The following PHIP variants were observed in gnomAD, a reference collection of about 807,000 sequenced individuals.
The protein encoded by PHIP is PHIP subunit of CUL4-Ring ligase complex, also known as PH-interacting protein.
Under a neutral mutation model 236.8 loss-of-function variants are expected in PHIP, and 54 were observed. The ratio of observed to expected loss-of-function variants is 0.23; its 90% confidence interval spans 0.18 to 0.29. The LOEUF (loss-of-function observed/expected upper bound fraction) is 0.29. Ranked by LOEUF, PHIP falls within the 10% of genes least tolerant of loss-of-function variation. The pLI, the probability that PHIP is intolerant of heterozygous loss-of-function variation, is 1.00. For synonymous variants in PHIP, 756 were observed against 718.9 expected, an observed-to-expected ratio of 1.05 and a Z score of -0.83; for missense variants, 1,370 against 2,190.8, an observed-to-expected ratio of 0.63 and a Z score of 7.48.
intron 4 of PHIP, among the ~76,000 whole-genome samples, chr6:79,068,731 C>T (rs1352544494): frequency 2.0e-5 from 3 of 152,136 alleles, no homozygotes; most frequent in Non-Finnish European, 4.4e-5. Context: ...TCGTGTTGAA[C>T]AAAATCTTTG....
intron 24 of PHIP, among the ~76,000 whole-genome samples, chr6:78,972,968 C>G (rs537167619): frequency 1.4e-5 from 2 of 140,200 alleles, no homozygotes; most frequent in African/African-American, 5.0e-5. Context: ...ATATTATCCA[C>G]GAGAATTTCC....
At chr6:79,001,322 C>G (rs1205489964) in intron 17 of PHIP, among the ~76,000 whole-genome samples, 1 of 152,068 alleles carries the variant, frequency 6.6e-6, no homozygotes, top group Non-Finnish European at 1.5e-5. Flanking sequence ...TTCACTAAAA[C>G]AGCTCTCAAC....
At chr6:78,969,621 A>T (rs1371389019) in intron 27 of PHIP, among the ~76,000 whole-genome samples, 1 of 152,192 alleles carries the variant, frequency 6.6e-6, no homozygotes, top group East Asian at 1.9e-4. Flanking sequence ...AATGTAACAG[A>T]AAAAATGTTT....
chr6:78,961,506 A>G (rs2127697726), intron 31 of PHIP, among the ~76,000 whole-genome samples, 184 bp downstream of exon 31: 1 of 152,242 alleles, frequency 6.6e-6, no homozygotes, highest in East Asian at 1.9e-4. Flanking sequence ...GGGACTTGTT[A>G]GAAATGCAGA....
At chr6:79,007,690 A>AT in intron 15 of PHIP, among the ~76,000 whole-genome samples, 1 of 138,132 alleles carries the variant, frequency 7.2e-6, no homozygotes. Context: ...CACACCGTTC[A>AT]TTAGAAGAAA....
intron 39 of PHIP, among the ~76,000 whole-genome samples, chr6:78,941,645 T>C (rs893054406): frequency 3.3e-5 from 5 of 152,128 alleles, no homozygotes; most frequent in African/African-American, 1.2e-4. Flanking sequence ...AACTTAGAAA[T>C]AAGTTACTCT....
chr6:79,028,188 TAAA>T (rs1220206565), intron 7 of PHIP, among the ~76,000 whole-genome samples: 1 of 151,878 alleles, frequency 6.6e-6, no homozygotes, highest in Non-Finnish European at 1.5e-5. Context: ...GATGAAAAAG[TAAA>T]AAAAATTTGT....
chr6:78,997,350 A>T lies in PHIP; in HGVS notation c.2201+64T>A. 5.1e-6 allele frequency: 7 copies of T among 1,380,490 alleles called. No individual in the cohort carries two copies. In the South Asian group the frequency reaches 8.7e-5, roughly 17 times the overall value. The allele number at this position is 1,380,490 out of a possible 1,614,324, so 85.5% of individuals were successfully genotyped here. ...ACAGAGCTGAAAATAACAGCTGTGA[A>T]TGCTGTTAACTCCAAAATGAACCCA... On this transcript the variant is annotated intron_variant, in intron 19 of 39. Coordinates refer to ENST00000275034, the MANE Select transcript of PHIP (RefSeq NM_017934.7).
chr6:79,063,932 G>A (rs1033816339), intron 4 of PHIP, among the ~76,000 whole-genome samples: 6 of 152,092 alleles, frequency 3.9e-5, no homozygotes, highest in South Asian at 2.1e-4. Context: ...AGTGGAAACA[G>A]ACTAACAAAC....
At position 78,990,883 on chromosome 6, in the gene PHIP, T is replaced by C. The variant is rs1064796425; in HGVS notation, c.2304A>G (p.Ile768Met). Residue 768 changes from isoleucine (I) to methionine (M), a missense_variant, in exon 20 of 40, where the codon ATA becomes ATG. By Grantham distance (10) the Ile-to-Met change is conservative (BLOSUM62 1). Coordinates refer to ENST00000275034, the MANE Select transcript of PHIP (RefSeq NM_017934.7). ...TAATATGTACCTTTGAGACAGTGGG[T>C]ATTTTATTCTCTTTTGGAACAGTTA... ...KHLTVPKENK[I>M]PTVSKNHAHE... 1.3e-6 allele frequency: 2 copies of C among 1,566,174 alleles called. No individual in the cohort carries two copies. Among genetic ancestry groups the C allele is most frequent in the Non-Finnish European group, 1.8e-6 (2 of 1,139,174 alleles).
intron 4 of PHIP, among the ~76,000 whole-genome samples, chr6:79,077,156 C>G (rs925526628): frequency 2.0e-5 from 3 of 151,948 alleles, no homozygotes; most frequent in Non-Finnish European, 2.9e-5. Context: ...ACGCGCGCGC[C>G]GGCCCCTCCT....
rs1219229700 is a variant in PHIP, at chr6:78,970,112, C to T, written c.3059G>A (p.Cys1020Tyr). The T allele has an allele frequency of 5.0e-6, 8 of 1,612,838 alleles. No individual in the cohort carries two copies. The highest frequency in any genetic ancestry group is 5.9e-6 in the Non-Finnish European group (7 of 1,178,972). The change falls in exon 26 of 40, where the codon TGC becomes TAC. Residue 1020 changes from cysteine to tyrosine, a missense_variant. Transcript: ENST00000275034. ...KYEVGLPTLCCLKLAFLDPDT... is the reference protein window; with the variant it reads ...KYEVGLPTLCYLKLAFLDPDT... ...AGGATCTAGAAAAGCAAGTTTAAGG[C>T]AGCAAAGGGTAGGTAATCCCACTTC...
intron 31 of PHIP, among the ~76,000 whole-genome samples, chr6:78,960,030 G>GACTGGGAGCT (rs1766674453): frequency 6.6e-6 from 1 of 152,120 alleles, no homozygotes; most frequent in Non-Finnish European, 1.5e-5. Context: ...TCACGTGGCT[G>GACTGGGAGCT]ACTGGGAGCT....
At chr6:79,071,214 T>C (rs770606055) in intron 4 of PHIP, among the ~76,000 whole-genome samples, 2 of 152,214 alleles carry the variant, frequency 1.3e-5, no homozygotes, top group Non-Finnish European at 2.9e-5. Flanking sequence ...CAACTGATGA[T>C]TGCCTTCTCT....
At chr6:79,065,460 C>G (rs1450345431) in intron 4 of PHIP, among the ~76,000 whole-genome samples, 2 of 152,100 alleles carry the variant, frequency 1.3e-5, no homozygotes, top group Non-Finnish European at 2.9e-5. Context: ...AGGTTATTTA[C>G]GCATAATCTC....
intron 21 of PHIP, among the ~76,000 whole-genome samples, chr6:78,985,900 CTTT>C (rs1768838789): frequency 6.6e-6 from 1 of 151,976 alleles, no homozygotes; most frequent in Non-Finnish European, 1.5e-5. Flanking sequence ...CAGCTTTTAC[CTTT>C]TTTTCACAAA....
At chr6:79,060,291 T>C (rs1439501591) in intron 6 of PHIP, among the ~76,000 whole-genome samples, 187 bp downstream of exon 6, 1 of 152,190 alleles carries the variant, frequency 6.6e-6, no homozygotes, top group Non-Finnish European at 1.5e-5. Context: ...ATGTGCACAA[T>C]CCCTCATTAT....
At chr6:79,063,589 G>A (rs971687239) in intron 4 of PHIP, among the ~76,000 whole-genome samples, 1 of 152,068 alleles carries the variant, frequency 6.6e-6, no homozygotes, top group Non-Finnish European at 1.5e-5. Flanking sequence ...GCTAATTTTT[G>A]TATTTTTAGT....
chr6:78,947,240 T>C (rs1582084648), intron 36 of PHIP, among the ~76,000 whole-genome samples: 1 of 152,204 alleles, frequency 6.6e-6, no homozygotes, highest in Non-Finnish European at 1.5e-5. Context: ...CGTTGCTATA[T>C]AGCACTCCTT....
Sources: gnomAD v4.1 joint callset for allele counts (sites outside exome capture counted in the v4.1 genomes callset) on GRCh38, gnomAD v4.1.1 for gene constraint, MANE v1.5 for transcripts, NCBI Gene and HGNC (gene_info 2026-07-23, HGNC 2026-07-21) for gene names.